The following ZBTB16 variants were observed in gnomAD, a reference collection of about 807,000 sequenced individuals.
ZBTB16 encodes the protein zinc finger and BTB domain-containing protein 16.
In ZBTB16, 8 loss-of-function variants were observed where a neutral mutation model predicts 56.8. That is an observed-to-expected ratio of 0.14 (90% CI 0.08 to 0.25). ZBTB16 has a LOEUF of 0.25. Among genes scored for constraint, ZBTB16 ranks in the 10% least tolerant of loss-of-function variants. ZBTB16 has a pLI of 1.00. For missense variants in ZBTB16, 625 were observed against 903.0 expected (o/e 0.69, Z 3.95); for synonymous variants, 363 against 368.5 (o/e 0.98, Z 0.17).
chr11:114,129,740 G>A (rs1401049906), intron 2 of ZBTB16, among the ~76,000 whole-genome samples: 1 of 152,212 alleles, frequency 6.6e-6, no homozygotes, highest in Non-Finnish European at 1.5e-5. Flanking sequence ...CTGGCAAGCC[G>A]CAATGACGCT....
intron 4 of ZBTB16, among the ~76,000 whole-genome samples, chr11:114,192,561 A>G (rs747734718): frequency 6.6e-6 from 1 of 152,184 alleles, no homozygotes; most frequent in Non-Finnish European, 1.5e-5. Flanking sequence ...AGTGGAAAAC[A>G]TGCCTCCTGA....
chr11:114,135,087 T>G (rs1400051667), intron 2 of ZBTB16, among the ~76,000 whole-genome samples: 1 of 152,226 alleles, frequency 6.6e-6, no homozygotes, highest in African/African-American at 2.4e-5. Context: ...TACCCATGTG[T>G]GCACACACAG....
chr11:114,248,016 G>C (rs1311165801), intron 6 of ZBTB16, among the ~76,000 whole-genome samples: 2 of 152,062 alleles, frequency 1.3e-5, no homozygotes, highest in East Asian at 3.9e-4. Context: ...TCCTGCCTCA[G>C]CCTCCCAATT....
intron 2 of ZBTB16, among the ~76,000 whole-genome samples, chr11:114,093,977 C>T (rs1308902477): frequency 1.3e-5 from 2 of 152,166 alleles, no homozygotes; most frequent in African/African-American, 2.4e-5. Context: ...AGACTTTGAG[C>T]CCCCTTCTGG....
At chr11:114,116,626 G>C (rs1326043600) in intron 2 of ZBTB16, among the ~76,000 whole-genome samples, 1 of 152,146 alleles carries the variant, frequency 6.6e-6, no homozygotes, top group Non-Finnish European at 1.5e-5. Flanking sequence ...ATACCTACTA[G>C]ATGTGTTTGG....
At chr11:114,083,116 C>T (rs1002122497) in intron 2 of ZBTB16, among the ~76,000 whole-genome samples, 3 of 152,218 alleles carry the variant, frequency 2.0e-5, no homozygotes, top group African/African-American at 4.8e-5. Flanking sequence ...GCTGGTTCCA[C>T]GGATGCCTTT....
intron 2 of ZBTB16, among the ~76,000 whole-genome samples, chr11:114,115,476 G>C (rs1450016115): frequency 6.6e-6 from 1 of 151,812 alleles, no homozygotes; most frequent in East Asian, 1.9e-4. Context: ...GAGCAGGCGA[G>C]AGTCCCACAT....
At chr11:114,081,710 G>A (rs1166826399) in intron 2 of ZBTB16, among the ~76,000 whole-genome samples, 1 of 152,100 alleles carries the variant, frequency 6.6e-6, no homozygotes, top group African/African-American at 2.4e-5. Flanking sequence ...CACATGAGTA[G>A]GATATTAAAG....
intron 3 of ZBTB16, among the ~76,000 whole-genome samples, chr11:114,160,373 A>G (rs980640284): frequency 6.6e-6 from 1 of 152,134 alleles, no homozygotes; most frequent in Non-Finnish European, 1.5e-5. Flanking sequence ...TGAAAGGCAG[A>G]CGGAGCTCCG....
intron 3 of ZBTB16, among the ~76,000 whole-genome samples, chr11:114,169,274 C>T (rs548856216): frequency 3.3e-5 from 5 of 152,276 alleles, no homozygotes; most frequent in East Asian, 3.9e-4. Context: ...AGACTTCAAG[C>T]GTCTTGGAGT....
chr11:114,065,104 GTTAATCTCC>G (rs2137657500), intron 2 of ZBTB16, among the ~76,000 whole-genome samples: 1 of 152,286 alleles, frequency 6.6e-6, no homozygotes, highest in South Asian at 2.1e-4. Context: ...CCTGGTGAAA[GTTAATCTCC>G]TTGCTCTGTC....
chr11:114,083,703 C>A (rs1939860638), intron 2 of ZBTB16, among the ~76,000 whole-genome samples: 1 of 152,158 alleles, frequency 6.6e-6, no homozygotes, highest in Admixed American at 6.5e-5. Flanking sequence ...ACCCAGCTTC[C>A]CCTTGGATCC....
At chr11:114,075,982 T>C (rs1939547307) in intron 2 of ZBTB16, among the ~76,000 whole-genome samples, 4 of 152,184 alleles carry the variant, frequency 2.6e-5, no homozygotes, top group Admixed American at 2.6e-4. Context: ...GGAACTTTTC[T>C]GCCTGCCTCT....
At chr11:114,188,373 T>A (rs1288897237) in intron 4 of ZBTB16, 1 of 152,220 alleles carries the variant, frequency 6.6e-6, no homozygotes, top group Non-Finnish European at 1.5e-5. Flanking sequence ...GAGCTGAGAC[T>A]GCATGGGTTT....
intron 2 of ZBTB16, among the ~76,000 whole-genome samples, chr11:114,132,781 A>G (rs1465044729): frequency 2.6e-5 from 4 of 151,696 alleles, no homozygotes; most frequent in Non-Finnish European, 4.4e-5. Flanking sequence ...ATCACGGATT[A>G]CTCCATCTGC....
chr11:114,071,001 C>T (rs1290210997), intron 2 of ZBTB16, among the ~76,000 whole-genome samples: 1 of 152,204 alleles, frequency 6.6e-6, no homozygotes, highest in Non-Finnish European at 1.5e-5. Context: ...CGTTTTTCAG[C>T]TCTGTCACCA....
intron 2 of ZBTB16, among the ~76,000 whole-genome samples, chr11:114,124,998 A>G (rs913300340): frequency 2.0e-5 from 3 of 151,800 alleles, no homozygotes; most frequent in Admixed American, 6.6e-5. Flanking sequence ...GGTGGGAGGG[A>G]GGCAGATAGT....
intron 5 of ZBTB16, among the ~76,000 whole-genome samples, chr11:114,245,781 C>T (rs1427520237): frequency 2.6e-5 from 4 of 152,136 alleles, no homozygotes; most frequent in East Asian, 1.9e-4. Flanking sequence ...GGACATTACA[C>T]GGTTGGCAGC....
Position 114,213,222 on chromosome 11 carries a change from A to G in ZBTB16, c.1453+26184A>G, listed in dbSNP as rs981661212. On this transcript the variant is annotated intron_variant, in intron 4 of 6. Coordinates refer to ENST00000335953, the MANE Select transcript of ZBTB16 (RefSeq NM_006006.6). ...GAGGCCTTGATGAAATGCTTTGTCC[A>G]TCGCTTCCAACTCATTGAACCAAGG... Among the ~76,000 whole-genome samples, 3 of 152,146 alleles carry G rather than the reference A, an allele frequency of 2.0e-5. No homozygotes were observed. In the East Asian group the frequency reaches 5.8e-4, roughly 29 times the overall value.
Sources: gnomAD v4.1 joint callset for allele counts (sites outside exome capture counted in the v4.1 genomes callset) on GRCh38, gnomAD v4.1.1 for gene constraint, MANE v1.5 for transcripts, NCBI Gene and HGNC (gene_info 2026-07-23, HGNC 2026-07-21) for gene names.